WWOX: variants seen among roughly 807,000 people sequenced by gnomAD.
WWOX encodes the protein WW domain-containing oxidoreductase.
A neutral mutation model predicts 46.2 loss-of-function variants in WWOX; 69 were observed. That is an observed-to-expected ratio of 1.49 (90% CI 1.23 to 1.82). The LOEUF (loss-of-function observed/expected upper bound fraction) is 1.82, where lower values mean the gene tolerates loss of function less well. Ranked by LOEUF, WWOX falls within the 40% of genes most tolerant of loss-of-function variation. WWOX has a pLI of 0.00. For synonymous variants in WWOX, 359 were observed against 202.6 expected (o/e 1.77, Z -6.56); for missense variants, 919 against 542.6 (o/e 1.69, Z -6.89).
At chr16:78,824,213 G>A (rs1445564128) in intron 8 of WWOX, among the ~76,000 whole-genome samples, 1 of 152,094 alleles carries the variant, frequency 6.6e-6, no homozygotes, top group Admixed American at 6.5e-5. Flanking sequence ...TTTATAAACA[G>A]TCCACTCCTA....
At position 78,377,814 on chromosome 16, in the gene WWOX, T is replaced by G. The variant is rs192986557; in HGVS notation, c.517-9046T>G. On this transcript the variant is annotated intron_variant, in intron 5 of 8. Coordinates refer to ENST00000566780, the MANE Select transcript of WWOX (RefSeq NM_016373.4). ...ATGGCACGCAACTCATATACTAAAT[T>G]AAATAAGCTGTTATCTGGTGCAATT... 1.8e-4 allele frequency among the ~76,000 whole-genome samples: 28 copies of G among 152,328 alleles called. No homozygotes were observed. The East Asian group carries it at 2.7e-3, about 15-fold the overall frequency.
chr16:78,300,330 T>C (rs1342014234), intron 5 of WWOX, among the ~76,000 whole-genome samples: 1 of 152,018 alleles, frequency 6.6e-6, no homozygotes, highest in Non-Finnish European at 1.5e-5. Context: ...CCCAGAAGAG[T>C]GACCCTCGGA....
chr16:78,736,843 A>G (rs568194626), intron 8 of WWOX, among the ~76,000 whole-genome samples: 4 of 152,140 alleles, frequency 2.6e-5, no homozygotes. Context: ...TCCTGGGCTC[A>G]TACAATTCCC....
At chr16:78,867,170 A>G (rs987036184) in intron 8 of WWOX, among the ~76,000 whole-genome samples, 1 of 152,132 alleles carries the variant, frequency 6.6e-6, no homozygotes, top group Non-Finnish European at 1.5e-5. Context: ...AGAAGATGAG[A>G]CAGACAAAAC....
At chr16:78,587,193 C>CTGTTTTT (rs2045228855) in intron 8 of WWOX, among the ~76,000 whole-genome samples, 1 of 112,908 alleles carries the variant, frequency 8.9e-6, no homozygotes, top group African/African-American at 3.4e-5. Flanking sequence ...GCCTGGCTAA[C>CTGTTTTT]TTTTTTTTTT....
At chr16:78,850,729 A>C (rs956819436) in intron 8 of WWOX, among the ~76,000 whole-genome samples, 1 of 152,090 alleles carries the variant, frequency 6.6e-6, no homozygotes, top group African/African-American at 2.4e-5. Flanking sequence ...GGGTGTGTGG[A>C]CTCAGGGCTC....
chr16:78,428,707 C>G (rs1465116730), intron 7 of WWOX, among the ~76,000 whole-genome samples: 1 of 152,132 alleles, frequency 6.6e-6, no homozygotes, highest in Non-Finnish European at 1.5e-5. Context: ...GGACCTTATT[C>G]TTAACAGTAG....
intron 5 of WWOX, among the ~76,000 whole-genome samples, chr16:78,326,097 G>C (rs890365102): frequency 2.0e-5 from 3 of 152,108 alleles, no homozygotes; most frequent in African/African-American, 4.8e-5. Context: ...AAACTCTTGA[G>C]CTCCCCTCCA....
chr16:78,694,476 G>T (rs79065679), intron 8 of WWOX, among the ~76,000 whole-genome samples: 4,084 of 152,176 alleles, frequency 0.027, 184 homozygotes, highest in African/African-American at 0.095. Context: ...CGTCAGTCTT[G>T]CTTTCCATTG....
chr16:78,951,205 G>A (rs149469530), intron 8 of WWOX, among the ~76,000 whole-genome samples: 477 of 152,288 alleles, frequency 3.1e-3, no homozygotes, highest in African/African-American at 0.011. Flanking sequence ...TAAATGGCGC[G>A]GTCATAATTC....
At position 78,848,788 on chromosome 16, in the gene WWOX, C is replaced by A. The variant is rs561337585; in HGVS notation, c.1057-362820C>A. ...AGATTCCCAAAATAGACGGGAGTTA[C>A]ACAGAGACCTTTTTTTTTTTTAACC... On this transcript the variant is annotated intron_variant, in intron 8 of 8. Transcript: ENST00000566780. 7.6e-5 allele frequency among the ~76,000 whole-genome samples: 8 copies of A among 105,530 alleles called. No homozygotes were observed. The South Asian group carries it at 2.8e-3, about 37-fold the overall frequency. 69.2% of individuals were successfully genotyped at this position (105,530 alleles called of 152,430 possible). A position where few individuals can be genotyped will look rare whatever the true frequency, so the allele number is the denominator to read the frequency against.
At chr16:78,707,193 C>A (rs1284509620) in intron 8 of WWOX, among the ~76,000 whole-genome samples, 1 of 152,142 alleles carries the variant, frequency 6.6e-6, no homozygotes, top group African/African-American at 2.4e-5. Context: ...CCTTCTTTTA[C>A]CACCCCTTAC....
chr16:78,968,085 C>T (rs1341012115), intron 8 of WWOX, among the ~76,000 whole-genome samples: 2 of 150,112 alleles, frequency 1.3e-5, no homozygotes, highest in African/African-American at 2.4e-5. Context: ...TGGCACAGTG[C>T]ATGGTCCGCA....
Position 78,753,329 on chromosome 16 carries a change from A to G in WWOX, c.1056+320577A>G, listed in dbSNP as rs558842974. On this transcript the variant is annotated intron_variant, in intron 8 of 8. Transcript: ENST00000566780. ...GTGAGACTCCGTCTCAAAAAAAAAG[A>G]AAAAAGAAAGAAAGAACCTCTTAGG... Among the ~76,000 whole-genome samples, 10 of 147,678 alleles carry G rather than the reference A, an allele frequency of 6.8e-5. No homozygotes were observed. In the East Asian group the frequency reaches 1.7e-3, roughly 26 times the overall value.
chr16:79,164,771 C>A (rs931068671), intron 8 of WWOX, among the ~76,000 whole-genome samples: 1 of 152,134 alleles, frequency 6.6e-6, no homozygotes, highest in African/African-American at 2.4e-5. Context: ...AGAGGGTCAG[C>A]AAACTCAGTG....
intron 8 of WWOX, among the ~76,000 whole-genome samples, chr16:78,921,725 T>C (rs1052864480): frequency 6.6e-6 from 1 of 152,142 alleles, no homozygotes; most frequent in Non-Finnish European, 1.5e-5. Flanking sequence ...GTGTCTAAAC[T>C]TCTCATGGGC....
intron 8 of WWOX, among the ~76,000 whole-genome samples, chr16:78,819,658 C>G (rs997226849): frequency 6.6e-6 from 1 of 152,206 alleles, no homozygotes; most frequent in African/African-American, 2.4e-5. Flanking sequence ...GTTGCTAACA[C>G]CACCACCTTG....
intron 8 of WWOX, among the ~76,000 whole-genome samples, chr16:78,790,602 G>T (rs1439373329): frequency 6.6e-6 from 1 of 152,188 alleles, no homozygotes; most frequent in African/African-American, 2.4e-5. Context: ...AGAGGAGCCT[G>T]TTTTCTCTCT....
chr16:78,913,589 T>C (rs562425761), intron 8 of WWOX, among the ~76,000 whole-genome samples: 3 of 151,964 alleles, frequency 2.0e-5, no homozygotes, highest in South Asian at 4.2e-4. Context: ...TTGGACTTGA[T>C]GTGAGAAATC....
Sources: gnomAD v4.1 joint callset for allele counts (sites outside exome capture counted in the v4.1 genomes callset) on GRCh38, gnomAD v4.1.1 for gene constraint, MANE v1.5 for transcripts, NCBI Gene and HGNC (gene_info 2026-07-23, HGNC 2026-07-21) for gene names.